The following FAM167A variants were observed in gnomAD, a reference collection of about 807,000 sequenced individuals.
The protein encoded by FAM167A is protein FAM167A.
In FAM167A, 23 loss-of-function variants were observed where a neutral mutation model predicts 14.9. The observed-to-expected ratio is 1.55, with a 90% CI of 1.11 to 2.19. The LOEUF (loss-of-function observed/expected upper bound fraction) is 2.19, where lower values mean the gene tolerates loss of function less well. Ranked by LOEUF, FAM167A falls within the 30% of genes most tolerant of loss-of-function variation. The pLI, the probability that FAM167A is intolerant of heterozygous loss-of-function variation, is 0.00. For synonymous variants in FAM167A, 174 were observed against 117.7 expected (o/e 1.48, Z -3.10); for missense variants, 401 against 281.5 (o/e 1.42, Z -3.04).
intron 2 of FAM167A, among the ~76,000 whole-genome samples, chr8:11,428,285 G>C (rs1468809685): frequency 6.6e-6 from 1 of 152,210 alleles, no homozygotes; most frequent in Non-Finnish European, 1.5e-5. Context: ...TTTTTCTGTG[G>C]CTGACAGATC....
intron 2 of FAM167A, chr8:11,435,207 G>A (rs1330082602): frequency 9.0e-6 from 4 of 443,090 alleles, no homozygotes; most frequent in African/African-American, 8.0e-5. Flanking sequence ...CCCCTCCCCT[G>A]TGGTCCCTTC....
At chr8:11,447,174 G>GTTTAT (rs1554528457) in intron 1 of FAM167A, among the ~76,000 whole-genome samples, 3 of 108,114 alleles carry the variant, frequency 2.8e-5, no homozygotes, top group Non-Finnish European at 5.7e-5. Context: ...TCAATTATTG[G>GTTTAT]TTTCTTTTCT....
At chr8:11,468,641 C>T (rs1277549090), upstream of FAM167A, among the ~76,000 whole-genome samples, 1 of 152,252 alleles carries the variant, frequency 6.6e-6, no homozygotes, top group Non-Finnish European at 1.5e-5. Context: ...GCATTGCTCA[C>T]TGGTGTGCCC....
intron 1 of FAM167A, among the ~76,000 whole-genome samples, chr8:11,446,199 C>A (rs748367079): frequency 1.3e-5 from 2 of 152,140 alleles, no homozygotes; most frequent in Non-Finnish European, 2.9e-5. Context: ...CGACATGGCA[C>A]GCAGACGCTT....
At chr8:11,449,871 C>T (rs1020014559) in intron 1 of FAM167A, among the ~76,000 whole-genome samples, 1 of 152,210 alleles carries the variant, frequency 6.6e-6, no homozygotes, top group Non-Finnish European at 1.5e-5. Flanking sequence ...GCAGCTCAGC[C>T]AACACCTTGT....
chr8:11,448,832 C>T (rs1308438438), intron 1 of FAM167A, among the ~76,000 whole-genome samples: 1 of 152,234 alleles, frequency 6.6e-6, no homozygotes, highest in Admixed American at 6.5e-5. Context: ...GTTTCTGGTC[C>T]CAGCACTGCT....
At chr8:11,440,424 C>G (rs148269852) in intron 2 of FAM167A, among the ~76,000 whole-genome samples, 6 of 152,344 alleles carry the variant, frequency 3.9e-5, no homozygotes, top group Admixed American at 3.3e-4. Flanking sequence ...AGAGGGAGAG[C>G]TGACCCCTGA....
At chr8:11,435,859 C>T (rs186298760) in intron 2 of FAM167A, among the ~76,000 whole-genome samples, 2 of 152,346 alleles carry the variant, frequency 1.3e-5, no homozygotes, top group African/African-American at 2.4e-5. Flanking sequence ...AAGCCCATAT[C>T]CACACACTTT....
At chr8:11,459,867 C>G (rs371845080) in intron 1 of FAM167A, among the ~76,000 whole-genome samples, 3 of 152,114 alleles carry the variant, frequency 2.0e-5, no homozygotes, top group African/African-American at 7.2e-5. Flanking sequence ...AGGCACCCAC[C>G]ACCACACCCA....
In FAM167A at chr8:11,473,324, C is replaced by T. The variant is rs114481682; in HGVS notation, c.-398+2542G>A. On this transcript the variant is annotated intron_variant, in intron 1 of 1. Coordinates refer to the FAM167A transcript ENST00000648766. ...TTGCATACAGGGATGATCATTCTGTCATCAGGAAGGCCGAGACATGAGGCA... is the reference window on the plus strand; with the variant it reads ...TTGCATACAGGGATGATCATTCTGTTATCAGGAAGGCCGAGACATGAGGCA... Among the ~76,000 whole-genome samples, 1,351 of 152,214 alleles carry T rather than the reference C, an allele frequency of 8.9e-3. 21 individuals are homozygous for T. Among genetic ancestry groups the T allele is most frequent in the African/African-American group, 0.03 (1,258 of 41,518 alleles).
intron 2 of FAM167A, among the ~76,000 whole-genome samples, chr8:11,427,336 G>C (rs1223734236): frequency 2.0e-5 from 3 of 152,216 alleles, no homozygotes; most frequent in Non-Finnish European, 2.9e-5. Context: ...GACTGGCTTA[G>C]TGCAGAGCGC....
Position 11,436,911 on chromosome 8 carries a change from G to A in FAM167A, c.381+7120C>T, listed in dbSNP as rs367895536. 2.0e-3 allele frequency among the ~76,000 whole-genome samples: 307 copies of A among 152,322 alleles called. 3 individuals carry two copies. Among genetic ancestry groups the A allele is most frequent in the African/African-American group, 6.8e-3 (284 of 41,570 alleles). On this transcript the variant is annotated intron_variant, in intron 2 of 2. Coordinates refer to ENST00000284486, the MANE Select transcript of FAM167A (RefSeq NM_053279.3). ...AGCTGAGGACAGGACATGAGCTGCT[G>A]GAGTGGGGACCTGTGGGATTAAATA...
At chr8:11,437,069 C>T (rs183278788) in intron 2 of FAM167A, among the ~76,000 whole-genome samples, 111 of 152,316 alleles carry the variant, frequency 7.3e-4, no homozygotes, top group Non-Finnish European at 1.3e-3. Flanking sequence ...CTTCATACTC[C>T]ATTACTCGGG....
At chr8:11,456,224 TGA>T in intron 1 of FAM167A, among the ~76,000 whole-genome samples, 10 of 142,534 alleles carry the variant, frequency 7.0e-5, no homozygotes, top group South Asian at 2.4e-4. Flanking sequence ...TGAGTGTGAG[TGA>T]GTGTGGGGGG....
In FAM167A at chr8:11,438,112, G is replaced by T. The variant is rs770161843; in HGVS notation, c.381+5919C>A. On this transcript the variant is annotated intron_variant, in intron 2 of 2. Coordinates refer to ENST00000284486, the MANE Select transcript of FAM167A (RefSeq NM_053279.3). The stretch of plus-strand genomic sequence containing the variant: ...CCCCACCCCAGCACGGAAGCCAGGC[G>T]GCCAGTGGAGGCCGGTAGTGCTGAA... 1.7e-4 allele frequency: 76 copies of T among 456,574 alleles called. 1 individual carries two copies. Among genetic ancestry groups the T allele is most frequent in the Admixed American group, 9.4e-4 (40 of 42,544 alleles). 28.3% of individuals were successfully genotyped at this position (456,574 alleles called of 1,614,324 possible).
At chr8:11,453,005 C>G (rs1807087031) in intron 1 of FAM167A, among the ~76,000 whole-genome samples, 1 of 152,142 alleles carries the variant, frequency 6.6e-6, no homozygotes, top group Non-Finnish European at 1.5e-5. Context: ...TCCCCTTCAT[C>G]ACGGCTGCCC....
At position 11,431,893 on chromosome 8, in the gene FAM167A, C is replaced by CAAAAA. The variant is rs748615997; in HGVS notation, c.382-7262_382-7258dup. On this transcript the variant is annotated intron_variant, in intron 2 of 2. Coordinates refer to ENST00000284486, the MANE Select transcript of FAM167A (RefSeq NM_053279.3). ...AGAAGGAGGGTACTGGACCAATTGG[C>CAAAAA]AAAAAAAAAAAAAAAAAAAAAAAAA... Among the ~76,000 whole-genome samples, 29 of 15,622 alleles carry CAAAAA rather than the reference C, an allele frequency of 1.9e-3. 1 individual carries two copies. The highest frequency in any genetic ancestry group is 3.8e-3 in the African/African-American group (26 of 6,782). The allele number at this position is 15,622 out of a possible 152,430, so 10.2% of individuals were successfully genotyped here. A position where few individuals can be genotyped will look rare whatever the true frequency, so the allele number is the denominator to read the frequency against.
intron 1 of FAM167A, among the ~76,000 whole-genome samples, chr8:11,451,931 T>G (rs1264057873): frequency 6.6e-6 from 1 of 152,182 alleles, no homozygotes; most frequent in African/African-American, 2.4e-5. Context: ...CTTACAATAA[T>G]GTCATTTTCT....
At chr8:11,472,775 G>C (rs950969302) in intron 1 of FAM167A, among the ~76,000 whole-genome samples, 7 of 152,152 alleles carry the variant, frequency 4.6e-5, no homozygotes, top group African/African-American at 1.7e-4. Context: ...CACTTCCTTT[G>C]GTTGGATGGC....
Sources: gnomAD v4.1 joint callset for allele counts (sites outside exome capture counted in the v4.1 genomes callset) on GRCh38, gnomAD v4.1.1 for gene constraint, MANE v1.5 for transcripts, NCBI Gene and HGNC (gene_info 2026-07-23, HGNC 2026-07-21) for gene names.